PARP12: variants seen among roughly 807,000 people sequenced by gnomAD.
The protein encoded by PARP12 is poly(ADP-ribose) polymerase family member 12, also known as protein mono-ADP-ribosyltransferase PARP12.
Under a neutral mutation model 72.4 loss-of-function variants are expected in PARP12, and 59 were observed. That is an observed-to-expected ratio of 0.81 (90% CI 0.66 to 1.01). The LOEUF (loss-of-function observed/expected upper bound fraction) is 1.01, where lower values mean the gene tolerates loss of function less well. PARP12 is among the 50% of genes least tolerant of loss of function. The pLI is 0.00. For missense variants in PARP12, 851 were observed against 914.0 expected, an observed-to-expected ratio of 0.93 and a Z score of 0.89; for synonymous variants, 403 against 371.4, an observed-to-expected ratio of 1.09 and a Z score of -0.98.
At chr7:140,027,686 C>T in intron 9 of PARP12, 1 of 258,458 alleles carries the variant, frequency 3.9e-6, no homozygotes, top group Non-Finnish European at 7.8e-6. Context: ...GTATGTTGTG[C>T]CACTTTAAGT....
intron 6 of PARP12, 68 bp from the exon 7 acceptor site, chr7:140,037,924 C>T: frequency 6.4e-7 from 1 of 1,561,366 alleles, no homozygotes; most frequent in South Asian, 1.2e-5. Context: ...GCTGGTGGCA[C>T]CCACGCCACA....
intron 4 of PARP12, among the ~76,000 whole-genome samples, chr7:140,052,731 T>TG (rs1397930671): frequency 6.8e-5 from 9 of 132,776 alleles, no homozygotes; most frequent in African/African-American, 2.8e-4. Flanking sequence ...GAAGACCCCT[T>TG]TTGTGTGTGT....
At chr7:140,048,593 G>GA (rs1446526606) in intron 4 of PARP12, among the ~76,000 whole-genome samples, 2 of 151,830 alleles carry the variant, frequency 1.3e-5, no homozygotes, top group East Asian at 1.9e-4. Context: ...GTAAAAAATA[G>GA]AAAAAAAAGT....
intron 1 of PARP12, among the ~76,000 whole-genome samples, chr7:140,058,673 T>C (rs1285486874): frequency 6.6e-6 from 1 of 152,198 alleles, no homozygotes; most frequent in Non-Finnish European, 1.5e-5. Flanking sequence ...AATCGATTTC[T>C]GTCGTTTAAG....
At position 140,035,408 on chromosome 7, in the gene PARP12, C is replaced by T. The variant is rs144972416; in HGVS notation, c.1325-1077G>A. On this transcript the variant is annotated intron_variant, in intron 7 of 11. Coordinates refer to ENST00000263549, the MANE Select transcript of PARP12 (RefSeq NM_022750.4). ...GTGAAATTAAAAGTGAGCTAAGATACGTGGACTGGCTAAATGTGTGTCAGA... is the reference window on the plus strand; with the variant it reads ...GTGAAATTAAAAGTGAGCTAAGATATGTGGACTGGCTAAATGTGTGTCAGA... 4.9e-3 allele frequency among the ~76,000 whole-genome samples: 744 copies of T among 152,312 alleles called. 7 individuals are homozygous for T. Among genetic ancestry groups the T allele is most frequent in the African/African-American group, 0.017 (687 of 41,556 alleles).
Position 140,024,454 on chromosome 7 carries a change from G to T in PARP12, c.*106C>A, listed in dbSNP as rs1815644034. 1.7e-6 allele frequency: 2 copies of T among 1,170,918 alleles called. No individual in the cohort carries two copies. The highest frequency in any genetic ancestry group is 2.5e-6 in the Non-Finnish European group (2 of 802,568). The allele number at this position is 1,170,918 out of a possible 1,614,324, so 72.5% of individuals were successfully genotyped here. On this transcript the variant is annotated 3_prime_UTR_variant, in exon 12 of 12. Coordinates refer to ENST00000263549, the MANE Select transcript of PARP12 (RefSeq NM_022750.4). ...AACATAACTTCATTGAGAGGTCAAT[G>T]TTAAGAGAACAGTTCATTAAAAGTT...
At chr7:140,051,486 G>A (rs534551353) in intron 4 of PARP12, among the ~76,000 whole-genome samples, 11 of 152,070 alleles carry the variant, frequency 7.2e-5, no homozygotes, top group Non-Finnish European at 1.2e-4. Context: ...CACCTCCCGG[G>A]TTCAAGTGAC....
At chr7:140,056,054 CTGAA>C (rs1180070607) in intron 3 of PARP12, among the ~76,000 whole-genome samples, 1 of 152,220 alleles carries the variant, frequency 6.6e-6, no homozygotes, top group Non-Finnish European at 1.5e-5. Flanking sequence ...CACAAAGGTG[CTGAA>C]TGAAAGAGTG....
intron 5 of PARP12, among the ~76,000 whole-genome samples, chr7:140,042,327 G>T (rs1479715584): frequency 2.0e-5 from 3 of 152,220 alleles, no homozygotes; most frequent in Non-Finnish European, 2.9e-5. Context: ...CCTGTTCAAG[G>T]TCAAACAGCT....
At position 140,062,854 on chromosome 7, in the gene PARP12, T is replaced by C; in HGVS notation, c.-7A>G. On this transcript the variant is annotated 5_prime_UTR_variant, in exon 1 of 12. Transcript: ENST00000263549. The stretch of plus-strand genomic sequence containing the variant: ...CGACGCCGGCCTGGGCCATGGCCGC[T>C]GGGCCTGCTCCCGTCGGACCGCGGG... 2 of 1,324,026 alleles carry C rather than the reference T, an allele frequency of 1.5e-6. No individual in the cohort carries two copies. Among genetic ancestry groups the C allele is most frequent in the Admixed American group, 7.2e-5 (2 of 27,616 alleles). 82.0% of individuals were successfully genotyped at this position (1,324,026 alleles called of 1,614,324 possible). A position where few individuals can be genotyped will look rare whatever the true frequency, so the allele number is the denominator to read the frequency against.
intron 1 of PARP12, among the ~76,000 whole-genome samples, chr7:140,060,680 C>T (rs750363436): frequency 2.6e-5 from 4 of 152,182 alleles, no homozygotes; most frequent in Non-Finnish European, 4.4e-5. Flanking sequence ...CCAGTTACCC[C>T]CATGAGTGGC....
intron 4 of PARP12, among the ~76,000 whole-genome samples, chr7:140,048,532 T>C (rs1427451044): frequency 1.3e-5 from 2 of 152,172 alleles, no homozygotes; most frequent in Non-Finnish European, 1.5e-5. Context: ...TCTGAGATAT[T>C]TGCTCTAAGG....
At chr7:140,035,509 G>A (rs1052874098) in intron 7 of PARP12, among the ~76,000 whole-genome samples, 30 of 152,144 alleles carry the variant, frequency 2.0e-4, no homozygotes, top group African/African-American at 6.3e-4. Flanking sequence ...GATACCCTAG[G>A]CTACAGCCTG....
chr7:140,050,976 AC>A (rs1816934275), intron 4 of PARP12, among the ~76,000 whole-genome samples: 1 of 152,206 alleles, frequency 6.6e-6, no homozygotes, highest in Admixed American at 6.5e-5. Flanking sequence ...GTCACTAAAG[AC>A]CAATACTGTA....
rs1815670895 is a variant in PARP12, at chr7:140,024,824, G to A, written c.1842C>T (p.Thr614=). The change falls in exon 12 of 12, where the codon ACC becomes ACT. Residue 614 remains threonine, a synonymous_variant. Transcript: ENST00000263549. ...GCACCCGGGCCAGGAACATCGTGTG[G>A]GTCTGCGTGTCGGATTTGCTGTAGT... ...SHHYSKSDTQ[T]HTMFLARVLV... 1 of 1,614,010 alleles carries A rather than the reference G, an allele frequency of 6.2e-7. No individual in the cohort carries two copies. Among genetic ancestry groups the A allele is most frequent in the Non-Finnish European group, 8.5e-7 (1 of 1,180,000 alleles).
At chr7:140,059,402 C>CTCTTT (rs562927727) in intron 1 of PARP12, among the ~76,000 whole-genome samples, 15,995 of 147,226 alleles carry the variant, frequency 0.11, 1,734 homozygotes, top group African/African-American at 0.28. Context: ...CTGAACCTAG[C>CTCTTT]TTTTTTTTTT....
chr7:140,060,336 C>A (rs560138407), intron 1 of PARP12, among the ~76,000 whole-genome samples: 4 of 152,314 alleles, frequency 2.6e-5, no homozygotes, highest in African/African-American at 9.6e-5. Flanking sequence ...GACTCCGTAC[C>A]AGCTCTGCAG....
intron 6 of PARP12, among the ~76,000 whole-genome samples, chr7:140,038,873 A>G (rs1211341904): frequency 6.6e-6 from 1 of 152,190 alleles, no homozygotes; most frequent in Non-Finnish European, 1.5e-5. Flanking sequence ...AGAAGGGGAA[A>G]AAAAAGTACC....
Position 140,034,268 on chromosome 7 carries a change from A to G in PARP12, c.1388T>C (p.Val463Ala). The G allele has an allele frequency of 6.2e-7, 1 of 1,613,436 alleles. No homozygotes were observed. Among genetic ancestry groups the G allele is most frequent in the Non-Finnish European group, 8.5e-7 (1 of 1,179,542 alleles). Reference sequence around the variant, plus strand: ...CATGGTCGTCACATCCTGGGGAGACACGTATTTGGGTCTGCGGCAAACCTT... The same window carrying G: ...CATGGTCGTCACATCCTGGGGAGACGCGTATTTGGGTCTGCGGCAAACCTT... ...TKKVCRRPKY[V>A]SPQDVTTMQT... The change falls in exon 8 of 12, where the codon GTG becomes GCG. Residue 463 changes from valine to alanine, a missense_variant. By Grantham distance (64) the Val-to-Ala change is moderately conservative. This residue lies in a region of PARP12 where 347 missense variants were observed against 396.1 expected (regional missense o/e 0.88). Transcript: ENST00000263549.
Sources: gnomAD v4.1 joint callset for allele counts (sites outside exome capture counted in the v4.1 genomes callset) on GRCh38, gnomAD v4.1.1 for gene constraint, gnomAD v4.1.1 regional missense constraint, MANE v1.5 for transcripts, NCBI Gene and HGNC (gene_info 2026-07-23, HGNC 2026-07-21) for gene names.